The following RSPH4A variants were observed in gnomAD, a reference collection of about 807,000 sequenced individuals.
RSPH4A encodes the protein radial spoke head component 4A, also known as radial spoke head protein 4 homolog A.
In RSPH4A, 47 loss-of-function variants were observed where a neutral mutation model predicts 71.0. That is an observed-to-expected ratio of 0.66 (90% CI 0.52 to 0.84). The LOEUF is 0.84. Ranked by LOEUF, RSPH4A falls within the 40% of genes least tolerant of loss-of-function variation. The pLI, the probability that RSPH4A is intolerant of heterozygous loss-of-function variation, is 0.00. For missense variants in RSPH4A, 793 were observed against 855.2 expected, an observed-to-expected ratio of 0.93 and a Z score of 0.91; for synonymous variants, 282 against 302.3, an observed-to-expected ratio of 0.93 and a Z score of 0.70.
intron 2 of RSPH4A, among the ~76,000 whole-genome samples, chr6:116,626,616 C>T (rs575852080): frequency 4.6e-5 from 7 of 152,316 alleles, no homozygotes; most frequent in African/African-American, 1.4e-4. Flanking sequence ...GCTGGGATTA[C>T]AGGCGTGAGC....
At chr6:116,624,821 A>G (rs975689933) in intron 2 of RSPH4A, among the ~76,000 whole-genome samples, 1 of 152,240 alleles carries the variant, frequency 6.6e-6, no homozygotes, top group African/African-American at 2.4e-5. Flanking sequence ...TGACTACTGC[A>G]TACCAAGTAC....
At chr6:116,620,087 C>T (rs1199604144) in intron 1 of RSPH4A, among the ~76,000 whole-genome samples, 1 of 152,200 alleles carries the variant, frequency 6.6e-6, no homozygotes, top group African/African-American at 2.4e-5. Flanking sequence ...CCATAGTGGA[C>T]TCTACTTGAA....
chr6:116,616,527 G>T lies in RSPH4A; in HGVS notation c.-97G>T. On this transcript the variant is annotated 5_prime_UTR_variant, in exon 1 of 6. Transcript: ENST00000229554. ...ACAGAGCAACCAGGACCCAGAAATCGCTTAAGAGACCGCGGCAAAGTAACT... is the reference window on the plus strand; with the variant it reads ...ACAGAGCAACCAGGACCCAGAAATCTCTTAAGAGACCGCGGCAAAGTAACT... 3 of 1,078,032 alleles carry T rather than the reference G, an allele frequency of 2.8e-6. No individual in the cohort carries two copies. Among genetic ancestry groups the T allele is most frequent in the Admixed American group, 2.0e-5 (1 of 50,274 alleles). The allele number at this position is 1,078,032 out of a possible 1,614,324, so 66.8% of individuals were successfully genotyped here.
rs1258987495 is a variant in RSPH4A at position 116,632,748 on chromosome 6, C to T, written c.*307C>T. 1 of 330,590 alleles carries T rather than the reference C, an allele frequency of 3.0e-6. No individual in the cohort carries two copies. The highest frequency in any genetic ancestry group is 4.5e-5 in the Admixed American group (1 of 22,308). The allele number at this position is 330,590 out of a possible 1,614,324, so 20.5% of individuals were successfully genotyped here. A position where few individuals can be genotyped will look rare whatever the true frequency, so the allele number is the denominator to read the frequency against. Reference sequence around the variant, plus strand: ...CCTGTTTTTAAAAGGGCTCAGGTTTCACATGGTCCAGGTGAGGTAAAACAA... The same window carrying T: ...CCTGTTTTTAAAAGGGCTCAGGTTTTACATGGTCCAGGTGAGGTAAAACAA... On this transcript the variant is annotated 3_prime_UTR_variant, in exon 6 of 6. Coordinates refer to ENST00000229554, the MANE Select transcript of RSPH4A (RefSeq NM_001010892.3).
In RSPH4A at chr6:116,616,755, G is replaced by T. The variant is rs762589461; in HGVS notation, c.132G>T (p.Glu44Asp). The T allele has an allele frequency of 6.2e-7, 1 of 1,614,212 alleles. No individual in the cohort carries two copies. The highest frequency in any genetic ancestry group is 1.1e-5 in the South Asian group (1 of 91,086). Reference protein sequence around the residue: ...YSEPESSEPLEAKQGPETGRQ... With the variant: ...YSEPESSEPLDAKQGPETGRQ... ...AGCCTGAGTCGTCTGAGCCCTTGGA[G>T]GCGAAGCAGGGGCCAGAAACTGGAC... The change falls in exon 1 of 6, where the codon GAG becomes GAT. Residue 44 changes from glutamate to aspartate, a missense_variant. Physicochemically the swap from Glu to Asp is conservative, Grantham distance 45 (BLOSUM62 2). Transcript: ENST00000229554.
At position 116,627,999 on chromosome 6, in the gene RSPH4A, A is replaced by G. The variant is rs1409826709; in HGVS notation, c.1292A>G (p.Tyr431Cys). The G allele has an allele frequency of 2.5e-6, 4 of 1,614,142 alleles. No individual in the cohort carries two copies. Among genetic ancestry groups the G allele is most frequent in the African/African-American group, 1.3e-5 (1 of 75,054 alleles). The change falls in exon 3 of 6, where the codon TAT becomes TGT. Residue 431 changes from tyrosine to cysteine, a missense_variant. By Grantham distance (194) the Tyr-to-Cys change is radical. Coordinates refer to ENST00000229554, the MANE Select transcript of RSPH4A (RefSeq NM_001010892.3). ...AGAACAGGTGCCAACAAATATGTCTATTTTGTTTGCAATGAACCAGGAAGA... is the reference window on the plus strand; with the variant it reads ...AGAACAGGTGCCAACAAATATGTCTGTTTTGTTTGCAATGAACCAGGAAGA... The part of the protein sequence containing the change: ...ESRTGANKYV[Y>C]FVCNEPGRPW...
intron 2 of RSPH4A, among the ~76,000 whole-genome samples, chr6:116,626,592 C>T (rs1187281656): frequency 1.3e-5 from 2 of 152,142 alleles, no homozygotes; most frequent in African/African-American, 2.4e-5. Context: ...CCACCTGGCT[C>T]GGCCTCCCAA....
chr6:116,617,039 C>T lies in RSPH4A; in HGVS notation c.416C>T (p.Pro139Leu). Residue 139 changes from proline to leucine, a missense_variant, in exon 1 of 6, where the codon CCT becomes CTT. Pro to Leu is a moderately conservative substitution (Grantham distance 98, BLOSUM62 -3). Coordinates refer to ENST00000229554, the MANE Select transcript of RSPH4A (RefSeq NM_001010892.3). ...EQSSDKREST[P>L]HHTSQSEGNT... Reference sequence around the variant, plus strand: ...TCATCTGATAAAAGAGAATCAACTCCTCATCACACAAGCCAGTCAGAAGGA... The same window carrying T: ...TCATCTGATAAAAGAGAATCAACTCTTCATCACACAAGCCAGTCAGAAGGA... 1 of 1,614,206 alleles carries T rather than the reference C, an allele frequency of 6.2e-7. No individual in the cohort carries two copies. The highest frequency in any genetic ancestry group is 8.5e-7 in the Non-Finnish European group (1 of 1,180,034).
At position 116,632,438 on chromosome 6, in the gene RSPH4A, C is replaced by T. The variant is rs1223310035; in HGVS notation, c.2148C>T (p.Asp716=). The T allele has an allele frequency of 6.2e-7, 1 of 1,610,654 alleles. No individual in the cohort carries two copies. The highest frequency in any genetic ancestry group is 1.1e-5 in the South Asian group (1 of 90,278). ...EEDEDEEDDY[D] Reference sequence around the variant, plus strand: ...ATGAAGATGAGGAAGATGATTATGACTAATAAACATAAAATTAGCCTGGTT... The same window carrying T: ...ATGAAGATGAGGAAGATGATTATGATTAATAAACATAAAATTAGCCTGGTT... The change falls in exon 6 of 6, where the codon GAC becomes GAT. Residue 716 remains aspartate, a synonymous_variant. Coordinates refer to ENST00000229554, the MANE Select transcript of RSPH4A (RefSeq NM_001010892.3).
chr6:116,618,329 A>G (rs1775544197), intron 1 of RSPH4A, among the ~76,000 whole-genome samples: 1 of 152,202 alleles, frequency 6.6e-6, no homozygotes, highest in East Asian at 1.9e-4. Flanking sequence ...AGAGAGACAG[A>G]CTTATATTTT....
chr6:116,630,327 CTG>C (rs899710769), intron 4 of RSPH4A, 106 bp from the exon 5 acceptor site: 13 of 765,242 alleles, frequency 1.7e-5, no homozygotes, highest in Admixed American at 5.2e-5. Context: ...ATGTGTGTAT[CTG>C]TGTGTGTGCA....
chr6:116,618,453 A>G (rs1775546313), intron 1 of RSPH4A, among the ~76,000 whole-genome samples: 1 of 152,222 alleles, frequency 6.6e-6, no homozygotes, highest in African/African-American at 2.4e-5. Flanking sequence ...AGAAGAAATG[A>G]ATGCTTTTTC....
chr6:116,622,881 A>C lies in RSPH4A; in HGVS notation c.800A>C (p.Lys267Thr), dbSNP rs1775633014. Residue 267 changes from lysine (K) to threonine (T), a missense_variant, in exon 2 of 6, where the codon AAA becomes ACA. By Grantham distance (78) the Lys-to-Thr change is moderately conservative (BLOSUM62 -1). Transcript: ENST00000229554. Reference protein sequence around the residue: ...QDVKMAHFSKKFDALQNENEL... With the variant: ...QDVKMAHFSKTFDALQNENEL... ...GTGAAGATGGCACATTTTAGTAAAAAATTTGATGCACTACAAAATGAGAAT... is the reference window on the plus strand; with the variant it reads ...GTGAAGATGGCACATTTTAGTAAAACATTTGATGCACTACAAAATGAGAAT... 1 of 1,613,336 alleles carries C rather than the reference A, an allele frequency of 6.2e-7. No homozygotes were observed. Among genetic ancestry groups the C allele is most frequent in the South Asian group, 1.1e-5 (1 of 91,074 alleles).
chr6:116,624,443 G>A (rs770667720), intron 2 of RSPH4A, among the ~76,000 whole-genome samples: 20 of 152,214 alleles, frequency 1.3e-4, no homozygotes, highest in Non-Finnish European at 1.0e-4. Context: ...TTACAAGGTA[G>A]GGCTTTGCAT....
chr6:116,632,402 A>G lies in RSPH4A; in HGVS notation c.2112A>G (p.Glu704=), dbSNP rs760918788. Residue 704 remains glutamate, a synonymous_variant, in exon 6 of 6, where the codon GAA becomes GAG. Transcript: ENST00000229554. ...EAVLLAAENE[E]SEEDEDEEDD... ...TTCTACTCGCAGCTGAGAATGAAGA[A>G]TCTGAGGAAGATGAAGATGAGGAAG... 2 of 1,613,990 alleles carry G rather than the reference A, an allele frequency of 1.2e-6. No homozygotes were observed. Among genetic ancestry groups the G allele is most frequent in the East Asian group, 4.5e-5 (2 of 44,872 alleles).
chr6:116,622,849 C>T lies in RSPH4A; in HGVS notation c.768C>T (p.Ser256=), dbSNP rs770284074. 1.2e-6 allele frequency: 2 copies of T among 1,613,008 alleles called. No homozygotes were observed. The highest frequency in any genetic ancestry group is 2.2e-5 in the South Asian group (2 of 91,054). Residue 256 remains serine, a synonymous_variant, in exon 2 of 6, where the codon AGC becomes AGT. Transcript: ENST00000229554. ...ENAVDIFENI[S]QDVKMAHFSK... is the part of the protein sequence containing the mutation. Reference sequence around the variant, plus strand: ...CTGTTGACATCTTTGAAAATATTAGCCAAGATGTGAAGATGGCACATTTTA... The same window carrying T: ...CTGTTGACATCTTTGAAAATATTAGTCAAGATGTGAAGATGGCACATTTTA...
Position 116,630,553 on chromosome 6 carries a change from G to C in RSPH4A, c.1916+1G>C. 3 of 1,358,254 alleles carry C rather than the reference G, an allele frequency of 2.2e-6. No homozygotes were observed. The highest frequency in any genetic ancestry group is 2.1e-6 in the Non-Finnish European group (2 of 954,496). 84.1% of individuals were successfully genotyped at this position (1,358,254 alleles called of 1,614,324 possible). On this transcript the variant is annotated splice_donor_variant, in intron 5 of 5. Coordinates refer to ENST00000229554, the MANE Select transcript of RSPH4A (RefSeq NM_001010892.3). LOFTEE classifies it high-confidence loss of function. ...GAGCATATGCCTTCTCCAATGGCAA[G>C]TAAGTATCTGACCACTTACAAAGCC... is the stretch of plus-strand genomic sequence containing the variant.
At chr6:116,631,676 G>A (rs762351244) in intron 5 of RSPH4A, among the ~76,000 whole-genome samples, 7 of 152,186 alleles carry the variant, frequency 4.6e-5, no homozygotes, top group Non-Finnish European at 1.0e-4. Flanking sequence ...AGAGCATGAC[G>A]AGCCAAAGGG....
intron 2 of RSPH4A, 97 bp downstream of exon 2, chr6:116,623,099 T>A (rs1775638606): frequency 4.4e-6 from 3 of 687,736 alleles, no homozygotes; most frequent in Non-Finnish European, 7.7e-6. Flanking sequence ...TTTTATAGCT[T>A]GTTTTGTTTT....
Sources: gnomAD v4.1 joint callset for allele counts (sites outside exome capture counted in the v4.1 genomes callset) on GRCh38, gnomAD v4.1.1 for gene constraint, MANE v1.5 for transcripts, NCBI Gene and HGNC (gene_info 2026-07-23, HGNC 2026-07-21) for gene names.